ST18: variants seen among roughly 807,000 people sequenced by gnomAD.
ST18 encodes ST18 C2H2C-type zinc finger transcription factor, also known as suppression of tumorigenicity 18 protein.
In ST18, 50 loss-of-function variants were observed where a neutral mutation model predicts 110.0. That is an observed-to-expected ratio of 0.45 (90% CI 0.36 to 0.58). The LOEUF (loss-of-function observed/expected upper bound fraction) is 0.58, where lower values mean the gene tolerates loss of function less well. Among genes scored for constraint, ST18 ranks in the 20% least tolerant of loss-of-function variants. The pLI is 0.00. For missense variants in ST18, 1,306 were observed against 1,280.1 expected (o/e 1.02, Z -0.31); for synonymous variants, 461 against 452.4 (o/e 1.02, Z -0.24).
intron 2 of ST18, among the ~76,000 whole-genome samples, chr8:52,329,359 G>C (rs1447312784): frequency 6.6e-6 from 1 of 151,890 alleles, no homozygotes; most frequent in Non-Finnish European, 1.5e-5. Flanking sequence ...GTGAGTGCAG[G>C]CTTCATGGAG....
In ST18 at chr8:52,180,184, T is replaced by C; in HGVS notation, c.215A>G (p.Glu72Gly). 1 of 1,614,170 alleles carries C rather than the reference T, an allele frequency of 6.2e-7. No homozygotes were observed. Among genetic ancestry groups the C allele is most frequent in the Non-Finnish European group, 8.5e-7 (1 of 1,180,036 alleles). Reference protein sequence around the residue: ...RHYSPKADCQEDRSDRTEDDG... With the variant: ...RHYSPKADCQGDRSDRTEDDG... ...GTCCTCTGTCCTGTCACTGCGGTCT[T>C]CTTGGCAGTCTGCTTTTGGGCTGTA... Residue 72 changes from glutamate (E) to glycine (G), a missense_variant, in exon 9 of 26, where the codon GAA becomes GGA. Transcript: ENST00000689386.
At chr8:52,198,375 G>A (rs2076868971) in intron 8 of ST18, among the ~76,000 whole-genome samples, 1 of 152,100 alleles carries the variant, frequency 6.6e-6, no homozygotes, top group African/African-American at 2.4e-5. Context: ...ACAGATGTTT[G>A]GCTCATAAAT....
chr8:52,315,294 G>A (rs912983143), intron 2 of ST18, among the ~76,000 whole-genome samples: 8 of 152,056 alleles, frequency 5.3e-5, no homozygotes, highest in African/African-American at 1.7e-4. Context: ...TTTATTAAAA[G>A]GCTTCATTGT....
chr8:52,204,576 G>A (rs2079233360), intron 8 of ST18, among the ~76,000 whole-genome samples: 1 of 152,150 alleles, frequency 6.6e-6, no homozygotes, highest in Admixed American at 6.5e-5. Flanking sequence ...TGTTACCGAT[G>A]CTGTGAATTG....
chr8:52,408,295 T>C (rs1227967262), intron 2 of ST18, among the ~76,000 whole-genome samples: 1 of 152,214 alleles, frequency 6.6e-6, no homozygotes, highest in East Asian at 1.9e-4. Flanking sequence ...TCCTGCTAAT[T>C]TGACAGCAAT....
At chr8:52,242,267 A>G (rs2093476556) in intron 2 of ST18, among the ~76,000 whole-genome samples, 1 of 152,256 alleles carries the variant, frequency 6.6e-6, no homozygotes, top group Non-Finnish European at 1.5e-5. Context: ...AATATATTTT[A>G]AAGCAACTGA....
At chr8:52,148,428 G>A (rs1157755741) in intron 16 of ST18, among the ~76,000 whole-genome samples, 1 of 152,048 alleles carries the variant, frequency 6.6e-6, no homozygotes, top group African/African-American at 2.4e-5. Flanking sequence ...GTCTCCCAGG[G>A]GTCCACACCC....
chr8:52,302,114 T>C (rs893358064), intron 2 of ST18, among the ~76,000 whole-genome samples: 1 of 152,180 alleles, frequency 6.6e-6, no homozygotes, highest in African/African-American at 2.4e-5. Context: ...GGCATCCACA[T>C]GGGTGCAGGA....
At chr8:52,323,523 A>T (rs1804936619) in intron 2 of ST18, among the ~76,000 whole-genome samples, 1 of 152,234 alleles carries the variant, frequency 6.6e-6, no homozygotes, top group Non-Finnish European at 1.5e-5. Context: ...GCTGGGCTAC[A>T]GCAGTCCTGT....
In ST18 at chr8:52,113,220, G is replaced by C. The variant is rs1214928239; in HGVS notation, c.3122C>G (p.Ala1041Gly). 1 of 1,614,104 alleles carries C rather than the reference G, an allele frequency of 6.2e-7. No individual in the cohort carries two copies. The highest frequency in any genetic ancestry group is 1.1e-5 in the South Asian group (1 of 91,080). Residue 1041 changes from alanine (A) to glycine (G), a missense_variant, in exon 26 of 26, where the codon GCA becomes GGA. Ala to Gly is a moderately conservative substitution (Grantham distance 60). Transcript: ENST00000689386. ...ATCCTACACATGGATACCCTTCACT[G>C]CCTGTTTGATACTTTCCAGTAGAGC... ...CKALLESIKQ[A>G]VKGIHV
intron 12 of ST18, 111 bp downstream of exon 12, chr8:52,165,024 G>T: frequency 2.1e-6 from 2 of 971,174 alleles, no homozygotes; most frequent in Non-Finnish European, 3.3e-6. Flanking sequence ...GTCACATATT[G>T]GACAGTGATG....
chr8:52,338,943 G>C (rs1456871578), intron 2 of ST18, among the ~76,000 whole-genome samples: 5 of 150,980 alleles, frequency 3.3e-5, no homozygotes, highest in Non-Finnish European at 7.4e-5. Flanking sequence ...CAGGGTCTCA[G>C]TATGTTGCCC....
intron 2 of ST18, among the ~76,000 whole-genome samples, chr8:52,239,953 C>A (rs1378980547): frequency 6.6e-6 from 1 of 152,022 alleles, no homozygotes; most frequent in Admixed American, 6.6e-5. Context: ...GCCAACACAC[C>A]TGGCTTATTT....
At chr8:52,123,057 T>A (rs940727885) in intron 23 of ST18, among the ~76,000 whole-genome samples, 8 of 152,162 alleles carry the variant, frequency 5.3e-5, no homozygotes, top group African/African-American at 1.9e-4. Context: ...ACTGGCATTC[T>A]TTCTTATACA....
chr8:52,166,556 A>G (rs1482264247), intron 11 of ST18, among the ~76,000 whole-genome samples: 1 of 151,474 alleles, frequency 6.6e-6, no homozygotes, highest in African/African-American at 2.4e-5. Context: ...CTACCCCTGA[A>G]CTCCCTGGTG....
At chr8:52,315,986 C>T (rs2096018127) in intron 2 of ST18, among the ~76,000 whole-genome samples, 1 of 152,180 alleles carries the variant, frequency 6.6e-6, no homozygotes, top group Admixed American at 6.5e-5. Flanking sequence ...CCTCTGGAAT[C>T]TTCTCTACTT....
intron 2 of ST18, among the ~76,000 whole-genome samples, chr8:52,400,379 T>G (rs1167611223): frequency 6.6e-6 from 1 of 152,136 alleles, no homozygotes; most frequent in African/African-American, 2.4e-5. Flanking sequence ...TGCCTTTTGA[T>G]TGGAAAGTTT....
At chr8:52,220,404 C>A (rs890823425) in intron 5 of ST18, among the ~76,000 whole-genome samples, 7 of 152,114 alleles carry the variant, frequency 4.6e-5, no homozygotes, top group Non-Finnish European at 1.0e-4. Flanking sequence ...AATCCATAAA[C>A]AAACTAATTT....
At chr8:52,302,928 C>T (rs532002673) in intron 2 of ST18, among the ~76,000 whole-genome samples, 2 of 152,136 alleles carry the variant, frequency 1.3e-5, no homozygotes, top group East Asian at 1.9e-4. Context: ...CAAGAAGCAT[C>T]GATGGATGCT....
Sources: allele counts gnomAD v4.1 joint callset (sites outside exome capture counted in the v4.1 genomes callset), GRCh38; gene constraint gnomAD v4.1.1; transcripts MANE v1.5; gene names NCBI Gene and HGNC (gene_info 2026-07-23, HGNC 2026-07-21).